The following TUSC3 variants were observed in gnomAD, a reference collection of about 807,000 sequenced individuals.
TUSC3 encodes the protein tumor suppressor candidate 3, also known as dolichyl-diphosphooligosaccharide--protein glycosyltransferase subunit TUSC3.
A neutral mutation model predicts 44.8 loss-of-function variants in TUSC3; 45 were observed. The observed-to-expected ratio is 1.00, with a 90% CI of 0.79 to 1.29. The LOEUF is 1.29. TUSC3 is among the 50% of genes most tolerant of loss of function. The pLI is 0.00. For missense variants in TUSC3, 519 were observed against 437.9 expected (o/e 1.19, Z -1.65); for synonymous variants, 212 against 152.9 (o/e 1.39, Z -2.85).
At chr8:15,795,994 G>C in the TUSC3 span, among the ~76,000 whole-genome samples, 2 of 152,168 alleles carry the variant, frequency 1.3e-5, no homozygotes, top group Non-Finnish European at 2.9e-5. Context: ...TGACTGCTTA[G>C]TGTAGGCTTC....
chr8:15,583,733 G>C (rs1803477048), intron 1 of TUSC3, among the ~76,000 whole-genome samples: 1 of 152,070 alleles, frequency 6.6e-6, no homozygotes, highest in Non-Finnish European at 1.5e-5. Context: ...TTTTGTGGGA[G>C]GTTTAATTAA....
chr8:15,466,210 C>G (rs1800412158), intron 1 of TUSC3, among the ~76,000 whole-genome samples: 2 of 152,120 alleles, frequency 1.3e-5, no homozygotes, highest in Non-Finnish European at 2.9e-5. Flanking sequence ...TCTGCCAGGG[C>G]CTAACTGTAG....
chr8:15,457,871 A>G (rs61391642), intron 1 of TUSC3, among the ~76,000 whole-genome samples: 3 of 46,310 alleles, frequency 6.5e-5, no homozygotes, highest in African/African-American at 1.3e-4. Flanking sequence ...TAATAAATTA[A>G]TTAGATAATT....
chr8:15,658,633 T>C (rs886401729), intron 3 of TUSC3, among the ~76,000 whole-genome samples: 5 of 108,952 alleles, frequency 4.6e-5, no homozygotes, highest in African/African-American at 2.2e-4. Flanking sequence ...TATATACACA[T>C]ATATATACAC....
intron 1 of TUSC3, among the ~76,000 whole-genome samples, chr8:15,589,287 TG>T (rs2129149678): frequency 6.6e-6 from 1 of 152,276 alleles, no homozygotes; most frequent in East Asian, 1.9e-4. Flanking sequence ...AACTTTTAAT[TG>T]GGGAATTTAA....
At chr8:15,608,644 G>A (rs954476827) in intron 1 of TUSC3, among the ~76,000 whole-genome samples, 3 of 152,096 alleles carry the variant, frequency 2.0e-5, no homozygotes, top group Non-Finnish European at 2.9e-5. Context: ...TCTTGTGATA[G>A]TGCGTGAGTC....
chr8:15,615,298 C>T (rs1475407427), intron 1 of TUSC3, among the ~76,000 whole-genome samples: 2 of 152,238 alleles, frequency 1.3e-5, no homozygotes, highest in African/African-American at 4.8e-5. Context: ...TGAAATCTTG[C>T]CATTCACAGC....
chr8:15,503,295 C>G (rs1018464812), intron 2 of TUSC3, among the ~76,000 whole-genome samples: 3 of 152,106 alleles, frequency 2.0e-5, no homozygotes, highest in Non-Finnish European at 4.4e-5. Context: ...AGAAACTAAC[C>G]CTGCCGCCTC....
intron 2 of TUSC3, among the ~76,000 whole-genome samples, chr8:15,493,277 A>C (rs1394478400): frequency 1.3e-5 from 2 of 152,068 alleles, no homozygotes; most frequent in Non-Finnish European, 2.9e-5. Context: ...CTTTAGAGAC[A>C]GGAGACAGGG....
At chr8:15,839,902 G>A in the TUSC3 span, among the ~76,000 whole-genome samples, 6 of 152,228 alleles carry the variant, frequency 3.9e-5, no homozygotes, top group South Asian at 2.1e-4. Context: ...GTTATAAATC[G>A]TGCTGCTATA....
intron 1 of TUSC3, among the ~76,000 whole-genome samples, chr8:15,553,544 A>C (rs1802129570): frequency 9.9e-6 from 1 of 101,296 alleles, no homozygotes; most frequent in African/African-American, 3.5e-5. Context: ...ACAGGAGGAG[A>C]ATGTTCCAAG....
At chr8:15,575,846 T>C (rs1803079370) in intron 1 of TUSC3, among the ~76,000 whole-genome samples, 1 of 152,146 alleles carries the variant, frequency 6.6e-6, no homozygotes, top group African/African-American at 2.4e-5. Context: ...GTGGAAATTA[T>C]ACATGTTTAG....
chr8:15,606,080 A>G (rs928570990), intron 1 of TUSC3, among the ~76,000 whole-genome samples: 18 of 151,984 alleles, frequency 1.2e-4, no homozygotes, highest in African/African-American at 4.1e-4. Context: ...GACGCAAACA[A>G]AATGCCACTA....
intron 1 of TUSC3, among the ~76,000 whole-genome samples, chr8:15,618,913 C>A (rs368457576): frequency 1.3e-5 from 2 of 152,114 alleles, no homozygotes; most frequent in East Asian, 1.9e-4. Flanking sequence ...CTTATGGGAC[C>A]GTCTTTGTGT....
chr8:15,458,558 T>TA (rs1053587461), intron 1 of TUSC3, among the ~76,000 whole-genome samples: 3 of 152,258 alleles, frequency 2.0e-5, no homozygotes, highest in African/African-American at 4.8e-5. Flanking sequence ...TTCATTATTA[T>TA]AAAAAACGTG....
chr8:15,623,217 T>C lies in TUSC3; in HGVS notation c.276T>C (p.Ala92=). Residue 92 remains alanine, a synonymous_variant, in exon 2 of 11, where the codon GCT becomes GCC. Transcript: ENST00000503731. ...ATTCCATGATTGTTATGTTCACTGC[T>C]CTTCAGCCTCAGCGGCAGTGTTCTG... ...RNYSMIVMFT[A]LQPQRQCSVC... 6.2e-7 allele frequency: 1 copy of C among 1,610,682 alleles called. No homozygotes were observed. The highest frequency in any genetic ancestry group is 1.1e-5 in the South Asian group (1 of 89,956).
intron 1 of TUSC3, among the ~76,000 whole-genome samples, chr8:15,426,791 A>T (rs1252779524): frequency 2.0e-5 from 3 of 152,130 alleles, no homozygotes; most frequent in African/African-American, 7.2e-5. Flanking sequence ...TTTTATTTTT[A>T]CCTTTTGAGG....
chr8:15,476,871 C>A (rs922023269), intron 1 of TUSC3, among the ~76,000 whole-genome samples: 1 of 152,202 alleles, frequency 6.6e-6, no homozygotes, highest in Admixed American at 6.5e-5. Context: ...CAACCAATGA[C>A]AGGCTGAAGT....
chr8:15,704,962 G>C (rs1809558822), intron 6 of TUSC3, among the ~76,000 whole-genome samples: 1 of 150,180 alleles, frequency 6.7e-6, no homozygotes, highest in African/African-American at 2.5e-5. Context: ...AAAAAAAATA[G>C]TCCTTATTAT....
Sources: gnomAD v4.1 joint callset for allele counts (sites outside exome capture counted in the v4.1 genomes callset) on GRCh38, gnomAD v4.1.1 for gene constraint, MANE v1.5 for transcripts, NCBI Gene and HGNC (gene_info 2026-07-23, HGNC 2026-07-21) for gene names.